SIK3: variants seen among roughly 807,000 people sequenced by gnomAD.
SIK3 encodes the protein serine/threonine-protein kinase SIK3.
In SIK3, 28 loss-of-function variants were observed where a neutral mutation model predicts 144.2. The ratio of observed to expected loss-of-function variants is 0.19; its 90% CI spans 0.14 to 0.27. The LOEUF (loss-of-function observed/expected upper bound fraction) is 0.27, where lower values mean the gene tolerates loss of function less well. SIK3 is among the 10% of genes least tolerant of loss of function. The pLI is 1.00. For synonymous variants in SIK3, 686 were observed against 676.3 expected (o/e 1.01, Z -0.22); for missense variants, 1,319 against 1,776.0 (o/e 0.74, Z 4.62).
intron 6 of SIK3, among the ~76,000 whole-genome samples, chr11:116,892,478 A>T (rs1945181804): frequency 6.6e-6 from 1 of 152,256 alleles, no homozygotes; most frequent in Non-Finnish European, 1.5e-5. Flanking sequence ...GCTCATCCTC[A>T]TACATCATTA....
intron 1 of SIK3, among the ~76,000 whole-genome samples, chr11:116,966,834 T>C (rs1193606747): frequency 2.0e-5 from 3 of 151,348 alleles, no homozygotes; most frequent in Non-Finnish European, 4.4e-5. Flanking sequence ...ACCCCGTCTC[T>C]ACTAAAAATA....
rs1164411815 is a variant in SIK3 at position 116,845,556 on chromosome 11, G to C, written c.*87C>G. ...TATTTTGGGTGGAGAGAAACACAAG[G>C]GCAATTTGGCACAACGCTGCTAGAT... On this transcript the variant is annotated 3_prime_UTR_variant, in exon 25 of 25. Transcript: ENST00000445177. 1.3e-5 allele frequency: 2 copies of C among 152,118 alleles called. No individual in the cohort carries two copies. Among genetic ancestry groups the C allele is most frequent in the Non-Finnish European group, 2.9e-5 (2 of 68,030 alleles). 9.4% of individuals were successfully genotyped at this position (152,118 alleles called of 1,614,324 possible).
intron 1 of SIK3, among the ~76,000 whole-genome samples, chr11:117,076,740 A>G (rs1954559282): frequency 6.6e-6 from 1 of 152,044 alleles, no homozygotes. Context: ...ACGGGGTTTC[A>G]CCATATTGGC....
chr11:117,093,127 T>C (rs1955319364), intron 1 of SIK3, among the ~76,000 whole-genome samples: 1 of 152,222 alleles, frequency 6.6e-6, no homozygotes, highest in African/African-American at 2.4e-5. Context: ...TGGGGCTATC[T>C]TCCTCAAATG....
At chr11:116,904,726 T>C (rs1440314167) in intron 4 of SIK3, 1 of 152,280 alleles carries the variant, frequency 6.6e-6, no homozygotes, top group Non-Finnish European at 1.5e-5. Flanking sequence ...TCTTTTTTCT[T>C]TTTAATTTTT....
intron 1 of SIK3, among the ~76,000 whole-genome samples, chr11:117,005,907 G>A (rs1951029276): frequency 6.6e-6 from 1 of 152,110 alleles, no homozygotes; most frequent in African/African-American, 2.4e-5. Flanking sequence ...TTAGTGAACA[G>A]AAGAATCTCC....
At chr11:116,866,905 C>A (rs888942673) in intron 15 of SIK3, among the ~76,000 whole-genome samples, 3 of 152,184 alleles carry the variant, frequency 2.0e-5, no homozygotes, top group African/African-American at 4.8e-5. Flanking sequence ...GAAAGCTTAT[C>A]TTCCTTCTTT....
intron 4 of SIK3, among the ~76,000 whole-genome samples, chr11:116,922,218 G>A (rs1947025809): frequency 1.3e-5 from 2 of 152,328 alleles, no homozygotes; most frequent in Admixed American, 6.5e-5. Flanking sequence ...AATATCAAAT[G>A]TAGGCCAGGC....
intron 1 of SIK3, among the ~76,000 whole-genome samples, chr11:117,047,675 G>A (rs1370597477): frequency 6.6e-6 from 1 of 152,130 alleles, no homozygotes; most frequent in Non-Finnish European, 1.5e-5. Flanking sequence ...CAGATGTGGT[G>A]GCTCATGCCT....
chr11:116,976,690 C>T (rs1179656911), intron 1 of SIK3, among the ~76,000 whole-genome samples: 4 of 152,146 alleles, frequency 2.6e-5, no homozygotes, highest in African/African-American at 9.7e-5. Context: ...GTGTGAGCCC[C>T]CCTACAGGGC....
chr11:116,889,828 C>A (rs1276581312), intron 6 of SIK3, among the ~76,000 whole-genome samples: 1 of 152,058 alleles, frequency 6.6e-6, no homozygotes, highest in African/African-American at 2.4e-5. Context: ...GCCCAGGAGG[C>A]GGAGGCTGCA....
At position 116,849,193 on chromosome 11, in the gene SIK3, G is replaced by A. The variant is rs754632883; in HGVS notation, c.3746C>T (p.Pro1249Leu). 1.9e-6 allele frequency: 3 copies of A among 1,614,128 alleles called. No homozygotes were observed. Among genetic ancestry groups the A allele is most frequent in the Admixed American group, 1.7e-5 (1 of 60,020 alleles). The change falls in exon 22 of 25, where the codon CCC (proline) becomes CTC (leucine). Residue 1249 changes from proline to leucine, a missense_variant. Pro to Leu is a moderately conservative substitution (Grantham distance 98). Coordinates refer to ENST00000445177, the MANE Select transcript of SIK3 (RefSeq NM_001366686.3). This position sits in a 1 kb window ranked among gnomAD's most constrained non-coding sequence, Gnocchi z 4.2. Reference protein sequence around the residue: ...DHNGLGYPARPSVHEHHRPRA... With the variant: ...DHNGLGYPARLSVHEHHRPRA... ...GGGCCTGTGGTGCTCATGGACGGAG[G>A]GGCGTGCTGGGTACCCGAGCCCATT...
chr11:116,972,840 A>C (rs961088098), intron 1 of SIK3, among the ~76,000 whole-genome samples: 1 of 152,106 alleles, frequency 6.6e-6, no homozygotes, highest in Non-Finnish European at 1.5e-5. Context: ...AGACCTATTC[A>C]TGCCTTTATG....
chr11:116,859,565 C>A lies in SIK3; in HGVS notation c.2465G>T (p.Arg822Leu). 6.2e-7 allele frequency: 1 copy of A among 1,614,090 alleles called. No individual in the cohort carries two copies. Among genetic ancestry groups the A allele is most frequent in the Non-Finnish European group, 8.5e-7 (1 of 1,180,014 alleles). ...SSSQFQGLPSRSAIFQQQPEN... is the reference protein window; with the variant it reads ...SSSQFQGLPSLSAIFQQQPEN... ...AGGTTGCTGCTGAAAGATTGCACTG[C>A]GGGAAGGTAAGCCTTGAAACTGGGA... Residue 822 changes from arginine to leucine, a missense_variant, in exon 20 of 25, where the codon CGC becomes CTC. Arg to Leu is a moderately radical substitution (Grantham distance 102, BLOSUM62 -2). Transcript: ENST00000445177.
chr11:116,890,314 G>A (rs1203841276), intron 6 of SIK3, among the ~76,000 whole-genome samples: 1 of 152,186 alleles, frequency 6.6e-6, no homozygotes, highest in Non-Finnish European at 1.5e-5. Flanking sequence ...CAGCAAGGAA[G>A]GCCCTGTGAC....
rs572967577 is a variant in SIK3, at chr11:117,043,257, TA to T, written c.273+54885del. On this transcript the variant is annotated intron_variant, in intron 1 of 24. Transcript: ENST00000445177. ...GCTTAATGACTGAAATAAAAATAGATAAAAAAGGAAACAGAGTAGTTTCTAC... is the reference window on the plus strand; with the variant it reads ...GCTTAATGACTGAAATAAAAATAGATAAAAAGGAAACAGAGTAGTTTCTAC... 7.2e-5 allele frequency among the ~76,000 whole-genome samples: 11 copies of T among 152,184 alleles called. No homozygotes were observed. In the South Asian group the frequency reaches 2.3e-3, roughly 32 times the overall value.
intron 1 of SIK3, among the ~76,000 whole-genome samples, chr11:116,968,119 A>G (rs943345896): frequency 6.6e-6 from 1 of 152,154 alleles, no homozygotes; most frequent in African/African-American, 2.4e-5. Flanking sequence ...AGTAAACATT[A>G]ATTAATTCTT....
intron 1 of SIK3, among the ~76,000 whole-genome samples, chr11:117,013,909 G>GT (rs1565556631): frequency 2.2e-4 from 8 of 35,558 alleles, no homozygotes; most frequent in African/African-American, 5.2e-4. Flanking sequence ...AGGGGGGGGG[G>GT]GGGAGGGTGT....
intron 1 of SIK3, among the ~76,000 whole-genome samples, chr11:116,998,822 GATAT>G (rs1461781734): frequency 6.6e-6 from 1 of 152,098 alleles, no homozygotes; most frequent in Non-Finnish European, 1.5e-5. Context: ...TAGGAGTACA[GATAT>G]ATAAATTTTT....
Sources: allele counts gnomAD v4.1 joint callset (sites outside exome capture counted in the v4.1 genomes callset), GRCh38; gene constraint gnomAD v4.1.1; non-coding constraint Gnocchi (gnomAD v3.1); transcripts MANE v1.5; gene names NCBI Gene and HGNC (gene_info 2026-07-23, HGNC 2026-07-21).